ADCY1: variants seen among roughly 807,000 people sequenced by gnomAD.
ADCY1 encodes adenylate cyclase 1.
Under a neutral mutation model 105.4 loss-of-function variants are expected in ADCY1, and 28 were observed. That is an observed-to-expected ratio of 0.27 (90% CI 0.20 to 0.36). The LOEUF is 0.36. Ranked by LOEUF, ADCY1 falls within the 10% of genes least tolerant of loss-of-function variation. ADCY1 has a pLI of 1.00. For missense variants in ADCY1, 977 were observed against 1,434.2 expected (o/e 0.68, Z 5.15); for synonymous variants, 655 against 623.8 (o/e 1.05, Z -0.75).
intron 5 of ADCY1, 77 bp downstream of exon 5, chr7:45,648,874 G>A: frequency 1.9e-6 from 3 of 1,558,822 alleles, no homozygotes; most frequent in Non-Finnish European, 2.6e-6. Context: ...GCCACCTTCT[G>A]CCCCATGTGG....
At chr7:45,603,610 A>T (rs745604023) in intron 2 of ADCY1, among the ~76,000 whole-genome samples, 15 of 152,188 alleles carry the variant, frequency 9.9e-5, no homozygotes, top group Non-Finnish European at 1.9e-4. Flanking sequence ...CAATATCACA[A>T]CTAGGATATT....
chr7:45,651,636 A>G (rs1449341800), intron 5 of ADCY1, among the ~76,000 whole-genome samples: 2 of 152,052 alleles, frequency 1.3e-5, no homozygotes, highest in Admixed American at 1.3e-4. Context: ...CGAGGTCTGC[A>G]CTCTCAACTG....
intron 11 of ADCY1, among the ~76,000 whole-genome samples, chr7:45,683,766 A>G (rs1411312862): frequency 1.3e-5 from 2 of 152,190 alleles, no homozygotes; most frequent in Non-Finnish European, 2.9e-5. Flanking sequence ...AACTTGGCCC[A>G]CAGGTAGGGG....
At position 45,664,664 on chromosome 7, in the gene ADCY1, T is replaced by A. The variant is rs1248558685; in HGVS notation, c.1605+2450T>A. The A allele has an allele frequency of 4.1e-5, 18 of 443,642 alleles. No homozygotes were observed. The East Asian group carries it at 7.4e-4, about 18-fold the overall frequency. 27.5% of individuals were successfully genotyped at this position (443,642 alleles called of 1,614,324 possible). A position where few individuals can be genotyped will look rare whatever the true frequency, so the allele number is the denominator to read the frequency against. On this transcript the variant is annotated intron_variant, in intron 8 of 19. Coordinates refer to ENST00000297323, the MANE Select transcript of ADCY1 (RefSeq NM_021116.4). ...TCTGTATTTTTTTAATAAACTTGAC[T>A]GGATGGTACACAGGCAGTTTGGTTG...
At chr7:45,709,434 C>G (rs1785183833) in intron 18 of ADCY1, among the ~76,000 whole-genome samples, 1 of 152,226 alleles carries the variant, frequency 6.6e-6, no homozygotes, top group African/African-American at 2.4e-5. Flanking sequence ...CAGGCCGGTG[C>G]TAGCCTAGTG....
intron 3 of ADCY1, among the ~76,000 whole-genome samples, chr7:45,610,770 G>A (rs1428312040): frequency 4.7e-5 from 7 of 148,926 alleles, no homozygotes; most frequent in Non-Finnish European, 6.0e-5. Flanking sequence ...AGAGGTGATA[G>A]TGGAGGTGTG....
chr7:45,648,622 A>C (rs1270675684), intron 4 of ADCY1, 48 bp from the exon 5 acceptor site: 2 of 1,610,672 alleles, frequency 1.2e-6, no homozygotes, highest in Admixed American at 3.3e-5. Context: ...TGGCGCTCAC[A>C]GCCTCTGTAG....
chr7:45,583,636 C>CT (rs1315765587), intron 1 of ADCY1, among the ~76,000 whole-genome samples: 1 of 152,008 alleles, frequency 6.6e-6, no homozygotes, highest in Non-Finnish European at 1.5e-5. Context: ...ACCTGGTGTT[C>CT]TTTTCCCCCT....
chr7:45,604,556 G>A (rs1281345631), intron 2 of ADCY1, among the ~76,000 whole-genome samples: 1 of 152,108 alleles, frequency 6.6e-6, no homozygotes, highest in African/African-American at 2.4e-5. Flanking sequence ...ATGTCAAGTT[G>A]CTGTAGCATT....
At chr7:45,584,749 A>T (rs1009212554) in intron 1 of ADCY1, among the ~76,000 whole-genome samples, 2 of 152,196 alleles carry the variant, frequency 1.3e-5, no homozygotes, top group Non-Finnish European at 2.9e-5. Context: ...CATGTGAAGC[A>T]TCACCTGGTT....
At chr7:45,621,129 T>C (rs1363652971) in intron 3 of ADCY1, among the ~76,000 whole-genome samples, 2 of 152,196 alleles carry the variant, frequency 1.3e-5, no homozygotes, top group African/African-American at 4.8e-5. Flanking sequence ...TGCAGTGGCA[T>C]GCTTCAGCTC....
intron 4 of ADCY1, among the ~76,000 whole-genome samples, chr7:45,630,799 T>G (rs896554196): frequency 1.3e-5 from 2 of 152,196 alleles, no homozygotes; most frequent in Non-Finnish European, 2.9e-5. Context: ...TTTATTACAT[T>G]AGAAAGATCT....
intron 7 of ADCY1, 128 bp downstream of exon 7, chr7:45,660,311 GGGA>G (rs1192344958): frequency 4.5e-5 from 60 of 1,337,808 alleles, no homozygotes; most frequent in Non-Finnish European, 6.0e-5. Context: ...TGCTAAGATG[GGGA>G]GAGTTGTCCC....
At chr7:45,674,774 CT>C (rs1471796274) in intron 8 of ADCY1, among the ~76,000 whole-genome samples, 1 of 152,188 alleles carries the variant, frequency 6.6e-6, no homozygotes, top group South Asian at 2.1e-4. Flanking sequence ...TACATTGACT[CT>C]TTAATCATTT....
chr7:45,652,266 G>C (rs1281300629), intron 5 of ADCY1, among the ~76,000 whole-genome samples: 1 of 152,214 alleles, frequency 6.6e-6, no homozygotes, highest in Non-Finnish European at 1.5e-5. Context: ...TGAGATTTGG[G>C]TGGGGACGTA....
chr7:45,657,717 TG>T lies in ADCY1; in HGVS notation c.1149-9del. 6.2e-7 allele frequency: 1 copy of T among 1,612,236 alleles called. No individual in the cohort carries two copies. Reference sequence around the variant, plus strand: ...GGGCCCTAGCCCCACGCTCTGTGTCTGTGTTGCAGATCTGTGGCTGAAGCCA... The same window carrying T: ...GGGCCCTAGCCCCACGCTCTGTGTCTTGTTGCAGATCTGTGGCTGAAGCCA... On this transcript the variant is annotated splice_polypyrimidine_tract_variant and intron_variant, in intron 5 of 19. Transcript: ENST00000297323.
rs73318950 is a variant in ADCY1, at chr7:45,587,432, C to T, written c.640-5327C>T. Among the ~76,000 whole-genome samples the T allele has an allele frequency of 9.8e-3, 1,486 of 152,032 alleles. 28 individuals carry two copies. The highest frequency in any genetic ancestry group is 0.035 in the African/African-American group (1,432 of 41,454). On this transcript the variant is annotated intron_variant, in intron 1 of 19. Coordinates refer to ENST00000297323, the MANE Select transcript of ADCY1 (RefSeq NM_021116.4). ...CAGCCTGATTGTGGGTTGTGTCAGG[C>T]GGTGGGGTTAGAGAGAAGTTGGTGG...
chr7:45,597,840 T>TAC (rs1793119845), intron 2 of ADCY1, among the ~76,000 whole-genome samples: 1 of 152,244 alleles, frequency 6.6e-6, no homozygotes. Context: ...TTCATTGCAC[T>TAC]ACTTCCTGTC....
chr7:45,703,412 C>T lies in ADCY1; in HGVS notation c.2491C>T (p.Leu831=). Residue 831 remains leucine, a synonymous_variant, in exon 15 of 20, where the codon CTG becomes TTG. Coordinates refer to ENST00000297323, the MANE Select transcript of ADCY1 (RefSeq NM_021116.4). The surrounding 1 kb of genome is among the most constrained non-coding windows in gnomAD (Gnocchi z 5.9). ...GCGAGAGGACATGGAGAAGGTGAAG[C>T]TGGACAACAGGCGCATCCTCTTCAA... ...EEREDMEKVK[L]DNRRILFNLL... 2 of 1,614,064 alleles carry T rather than the reference C, an allele frequency of 1.2e-6. No homozygotes were observed. Among genetic ancestry groups the T allele is most frequent in the Non-Finnish European group, 1.7e-6 (2 of 1,179,966 alleles).
Sources: gnomAD v4.1 joint callset for allele counts (sites outside exome capture counted in the v4.1 genomes callset) on GRCh38, gnomAD v4.1.1 for gene constraint, Gnocchi (gnomAD v3.1) non-coding constraint, MANE v1.5 for transcripts, NCBI Gene and HGNC (gene_info 2026-07-23, HGNC 2026-07-21) for gene names.